The following PCBP3 variants were observed in gnomAD, a reference collection of about 807,000 sequenced individuals.
PCBP3 encodes the protein poly(rC)-binding protein 3.
In PCBP3, 25 loss-of-function variants were observed where a neutral mutation model predicts 52.7. That is an observed-to-expected ratio of 0.47 (90% CI 0.35 to 0.66). PCBP3 has a LOEUF of 0.66. Ranked by LOEUF, PCBP3 falls within the 30% of genes least tolerant of loss-of-function variation. PCBP3 has a pLI of 0.01. For synonymous variants in PCBP3, 162 were observed against 183.0 expected (o/e 0.89, Z 0.93); for missense variants, 391 against 490.3 (o/e 0.80, Z 1.91).
chr21:45,941,755 G>C lies in PCBP3; in HGVS notation c.*49G>C. The C allele has an allele frequency of 6.5e-7, 1 of 1,534,604 alleles. No individual in the cohort carries two copies. Among genetic ancestry groups the C allele is most frequent in the Non-Finnish European group, 8.9e-7 (1 of 1,123,262 alleles). On this transcript the variant is annotated 3_prime_UTR_variant, in exon 18 of 18. Coordinates refer to ENST00000681687, the MANE Select transcript of PCBP3 (RefSeq NM_001384156.1). ...CGTCACCCACCTGCCAGAGCCTAAG[G>C]CCCCCGGCTCTCGCACTCTGTACAG...
At chr21:45,913,699 T>G (rs566271793) in intron 11 of PCBP3, among the ~76,000 whole-genome samples, 1 of 152,138 alleles carries the variant, frequency 6.6e-6, no homozygotes, top group East Asian at 1.9e-4. Flanking sequence ...GGCCGGTGTG[T>G]GGCAAACTGC....
chr21:45,808,430 G>A (rs566999917), intron 4 of PCBP3, among the ~76,000 whole-genome samples: 68 of 151,972 alleles, frequency 4.5e-4, no homozygotes, highest in Non-Finnish European at 7.8e-4. Context: ...GCCAAAAAAC[G>A]TGAAAAAAAG....
At chr21:45,743,584 T>C (rs1323550299) in intron 3 of PCBP3, among the ~76,000 whole-genome samples, 2 of 152,158 alleles carry the variant, frequency 1.3e-5, no homozygotes, top group East Asian at 3.9e-4. Context: ...CCAATTATAA[T>C]ATGCTCCCAG....
intron 3 of PCBP3, among the ~76,000 whole-genome samples, chr21:45,755,082 T>G (rs1263202791): frequency 2.0e-5 from 3 of 152,202 alleles, no homozygotes; most frequent in Non-Finnish European, 2.9e-5. Flanking sequence ...ACAATCATAT[T>G]ATAAATAGAA....
At chr21:45,810,506 T>A (rs769833962) in intron 4 of PCBP3, among the ~76,000 whole-genome samples, 1 of 152,078 alleles carries the variant, frequency 6.6e-6, no homozygotes, top group Non-Finnish European at 1.5e-5. Flanking sequence ...TCAAGCGATC[T>A]TCCCACCTCG....
chr21:45,715,018 A>G (rs569059538), intron 2 of PCBP3, among the ~76,000 whole-genome samples: 3 of 152,370 alleles, frequency 2.0e-5, no homozygotes, highest in African/African-American at 7.2e-5. Flanking sequence ...ATAGTCAAAA[A>G]CTATTCAACA....
chr21:45,910,468 G>A (rs1038809582), intron 10 of PCBP3, among the ~76,000 whole-genome samples: 3 of 152,056 alleles, frequency 2.0e-5, no homozygotes, highest in Admixed American at 6.5e-5. Context: ...ACATCCACAC[G>A]TTTGTCCCAT....
rs993153310 is a variant in PCBP3 at position 45,856,308 on chromosome 21, GAC to G, written c.10+6216_10+6217del. 9.8e-5 allele frequency among the ~76,000 whole-genome samples: 15 copies of G among 152,298 alleles called. 1 individual carries two copies. In the South Asian group the frequency reaches 1.0e-3, roughly 11 times the overall value. ...CTCCACAGCCCCTTCTCTTAACCCA[GAC>G]ACTCCTTTCTATTGATTCCAGGCCT... On this transcript the variant is annotated intron_variant, in intron 5 of 17. Transcript: ENST00000681687.
chr21:45,839,120 G>A (rs1048243603), intron 4 of PCBP3, among the ~76,000 whole-genome samples: 1 of 151,908 alleles, frequency 6.6e-6, no homozygotes, highest in Non-Finnish European at 1.5e-5. Context: ...AGGAAGGTTT[G>A]TATTTTTTTT....
intron 9 of PCBP3, among the ~76,000 whole-genome samples, chr21:45,909,082 C>G (rs1420033276): frequency 6.6e-6 from 1 of 152,106 alleles, no homozygotes; most frequent in African/African-American, 2.4e-5. Flanking sequence ...CCCTTCCCAC[C>G]AGGTCTCCAC....
At chr21:45,815,802 A>G (rs1187454789) in intron 4 of PCBP3, among the ~76,000 whole-genome samples, 38 of 24,228 alleles carry the variant, frequency 1.6e-3, no homozygotes, top group East Asian at 3.2e-3. Flanking sequence ...GTGAGTGATG[A>G]GTGAGTGGTG....
At chr21:45,682,321 T>C (rs534915075) in intron 2 of PCBP3, among the ~76,000 whole-genome samples, 2 of 152,046 alleles carry the variant, frequency 1.3e-5, no homozygotes, top group Non-Finnish European at 2.9e-5. Context: ...TCTTTCAGAG[T>C]CTATGATTGT....
intron 1 of PCBP3, among the ~76,000 whole-genome samples, chr21:45,646,107 C>CTCTCTCTCTCTGTG (rs1555895746): frequency 2.4e-5 from 2 of 83,782 alleles, no homozygotes; most frequent in Non-Finnish European, 4.5e-5. Flanking sequence ...CTCTCTCTCT[C>CTCTCTCTCTCTGTG]TGTGTGTGTG....
intron 4 of PCBP3, among the ~76,000 whole-genome samples, chr21:45,790,856 A>G (rs1354937011): frequency 1.3e-5 from 2 of 152,204 alleles, no homozygotes; most frequent in Admixed American, 6.5e-5. Context: ...GGAGAAGGAC[A>G]GCAGAGGGGC....
chr21:45,750,239 A>C (rs953895928), intron 3 of PCBP3: 3 of 152,314 alleles, frequency 2.0e-5, no homozygotes, highest in Admixed American at 6.5e-5. Context: ...ACCATCTGCA[A>C]GAAGCCCCTG....
chr21:45,659,578 T>G (rs1182825063), intron 1 of PCBP3, among the ~76,000 whole-genome samples: 1 of 152,136 alleles, frequency 6.6e-6, no homozygotes, highest in African/African-American at 2.4e-5. Context: ...CTCGAACTCC[T>G]GGGCTCAAGC....
intron 2 of PCBP3, among the ~76,000 whole-genome samples, chr21:45,718,753 G>A (rs2084401822): frequency 6.6e-6 from 1 of 152,102 alleles, no homozygotes; most frequent in Non-Finnish European, 1.5e-5. Context: ...TTTATGGAGA[G>A]GTAAGCTGTT....
At chr21:45,769,927 T>C (rs963824648) in intron 4 of PCBP3, among the ~76,000 whole-genome samples, 1 of 152,250 alleles carries the variant, frequency 6.6e-6, no homozygotes, top group Non-Finnish European at 1.5e-5. Context: ...TTATTGAGTC[T>C]GTGGGAAGAC....
chr21:45,703,563 G>A (rs1448532254), intron 2 of PCBP3, among the ~76,000 whole-genome samples: 2 of 152,182 alleles, frequency 1.3e-5, no homozygotes, highest in East Asian at 3.9e-4. Flanking sequence ...CTTGGAGGCC[G>A]ATAGGAGAAT....
Sources: gnomAD v4.1 joint callset for allele counts (sites outside exome capture counted in the v4.1 genomes callset) on GRCh38, gnomAD v4.1.1 for gene constraint, MANE v1.5 for transcripts, NCBI Gene and HGNC (gene_info 2026-07-23, HGNC 2026-07-21) for gene names.